Variants in GK5 observed in about 807,000 individuals in gnomAD.
The protein encoded by GK5 is ATP:glycerol 3-phosphotransferase 5.
GK5 carries 39 observed loss-of-function variants against 77.3 expected under a neutral mutation model. The observed-to-expected ratio is 0.50, with a 90% confidence interval of 0.39 to 0.66. GK5 has a LOEUF of 0.66. Among genes scored for constraint, GK5 ranks in the 30% least tolerant of loss-of-function variants. The pLI, the probability that GK5 is intolerant of heterozygous loss-of-function variation, is 0.00. For missense variants in GK5, 487 were observed against 633.8 expected, an observed-to-expected ratio of 0.77 and a Z score of 2.49; for synonymous variants, 211 against 208.0, an observed-to-expected ratio of 1.01 and a Z score of -0.13.
In GK5 at chr3:142,158,513, A is replaced by G. The variant is rs1169456167; in HGVS notation, c.*7109T>C. On this transcript the variant is annotated 3_prime_UTR_variant, in exon 16 of 16. Transcript: ENST00000392993. ...TTCATATGCAGATGAAAAATATTCT[A>G]TTACTGTGGATCCTTGATTTTTTGT... The G allele has an allele frequency of 6.6e-6, 1 of 152,596 alleles. No homozygotes were observed. The highest frequency in any genetic ancestry group is 1.5e-5 in the Non-Finnish European group (1 of 68,034). The allele number at this position is 152,596 out of a possible 1,614,324, so 9.5% of individuals were successfully genotyped here. A position where few individuals can be genotyped will look rare whatever the true frequency, so the allele number is the denominator to read the frequency against.
At chr3:142,210,426 T>A (rs886830561) in intron 3 of GK5, among the ~76,000 whole-genome samples, 3 of 152,170 alleles carry the variant, frequency 2.0e-5, no homozygotes, top group African/African-American at 7.2e-5. Context: ...TCCCGGCTGT[T>A]TGCTAGGGCT....
rs1325800075 is a variant in GK5 at position 142,163,214 on chromosome 3, A to T, written c.*2408T>A. 1.3e-5 allele frequency: 2 copies of T among 152,014 alleles called. No homozygotes were observed. Among genetic ancestry groups the T allele is most frequent in the Non-Finnish European group, 2.9e-5 (2 of 68,008 alleles). 9.4% of individuals were successfully genotyped at this position (152,014 alleles called of 1,614,324 possible). A position where few individuals can be genotyped will look rare whatever the true frequency, so the allele number is the denominator to read the frequency against. On this transcript the variant is annotated 3_prime_UTR_variant, in exon 16 of 16. Coordinates refer to ENST00000392993, the MANE Select transcript of GK5 (RefSeq NM_001039547.3). Reference sequence around the variant, plus strand: ...AAAATAGCCACTGACACTTGAGGAGATGCTCAATTCCGATGAGGGACATTC... The same window carrying T: ...AAAATAGCCACTGACACTTGAGGAGTTGCTCAATTCCGATGAGGGACATTC...
intron 4 of GK5, 141 bp from the exon 5 acceptor site, chr3:142,199,074 A>C: frequency 1.8e-6 from 1 of 551,016 alleles, no homozygotes; most frequent in Non-Finnish European, 3.1e-6. Flanking sequence ...TAAGAAAATA[A>C]AAAACAGCAA....
At chr3:142,224,389 T>C (rs976912254) in intron 1 of GK5, among the ~76,000 whole-genome samples, 8 of 152,098 alleles carry the variant, frequency 5.3e-5, no homozygotes, top group African/African-American at 1.9e-4. Flanking sequence ...CCAGCCTGGG[T>C]GACAAAGTGA....
rs1028275088 is a variant in GK5, at chr3:142,160,130, G to A, written c.*5492C>T. The A allele has an allele frequency of 1.3e-5, 2 of 152,560 alleles. No homozygotes were observed. Among genetic ancestry groups the A allele is most frequent in the Non-Finnish European group, 2.9e-5 (2 of 68,386 alleles). 9.5% of individuals were successfully genotyped at this position (152,560 alleles called of 1,614,324 possible). On this transcript the variant is annotated 3_prime_UTR_variant, in exon 16 of 16. Transcript: ENST00000392993. Reference sequence around the variant, plus strand: ...CCCAAAGTGCTGGGATTACAGGCGTGAGCCACTACACCTGGCCTTTTTCTC... The same window carrying A: ...CCCAAAGTGCTGGGATTACAGGCGTAAGCCACTACACCTGGCCTTTTTCTC...
intron 3 of GK5, among the ~76,000 whole-genome samples, chr3:142,208,466 T>C (rs1190186834): frequency 5.9e-5 from 9 of 152,214 alleles, no homozygotes; most frequent in Non-Finnish European, 1.3e-4. Context: ...TTCATTTTTG[T>C]ATATGGTATT....
At chr3:142,179,798 TC>T (rs2063668602) in intron 11 of GK5, among the ~76,000 whole-genome samples, 1 of 152,170 alleles carries the variant, frequency 6.6e-6, no homozygotes. Context: ...CACTCCATTC[TC>T]TCTCCCCCAC....
rs776309639 is a variant in GK5 at position 142,165,598 on chromosome 3, T to A, written c.*24A>T. On this transcript the variant is annotated 3_prime_UTR_variant, in exon 16 of 16. Transcript: ENST00000392993. ...GCACGTCACATAAACCAGCTACCTATGGTTTTGATCATTTCATTTAGTGTT... is the reference window on the plus strand; with the variant it reads ...GCACGTCACATAAACCAGCTACCTAAGGTTTTGATCATTTCATTTAGTGTT... The A allele has an allele frequency of 5.1e-6, 8 of 1,573,476 alleles. No individual in the cohort carries two copies. In the African/African-American group the frequency reaches 1.1e-4, roughly 22 times the overall value.
At chr3:142,200,411 G>A (rs1057470345) in intron 4 of GK5, among the ~76,000 whole-genome samples, 1 of 152,002 alleles carries the variant, frequency 6.6e-6, no homozygotes, top group South Asian at 2.1e-4. Context: ...CAGGTGATCC[G>A]CCCACCTTGG....
At chr3:142,216,573 C>A (rs1402523747) in intron 1 of GK5, among the ~76,000 whole-genome samples, 13 of 152,102 alleles carry the variant, frequency 8.5e-5, no homozygotes, top group Non-Finnish European at 8.8e-5. Context: ...TAACCCCAGA[C>A]ATACCCAGCC....
Position 142,163,379 on chromosome 3 carries a change from A to T in GK5, c.*2243T>A, listed in dbSNP as rs2063440735. The T allele has an allele frequency of 6.6e-6, 1 of 151,056 alleles. No individual in the cohort carries two copies. The highest frequency in any genetic ancestry group is 2.4e-5 in the African/African-American group (1 of 41,170). The allele number at this position is 151,056 out of a possible 1,614,324, so 9.4% of individuals were successfully genotyped here. A position where few individuals can be genotyped will look rare whatever the true frequency, so the allele number is the denominator to read the frequency against. On this transcript the variant is annotated 3_prime_UTR_variant, in exon 16 of 16. Coordinates refer to ENST00000392993, the MANE Select transcript of GK5 (RefSeq NM_001039547.3). ...AACTTCCACCCCCCAGATTCAAGCA[A>T]TTCTCCTGCCTCAGCCTCCCGAGTA...
chr3:142,177,847 C>CG (rs1411947937), intron 11 of GK5, among the ~76,000 whole-genome samples: 12 of 147,936 alleles, frequency 8.1e-5, no homozygotes, highest in Non-Finnish European at 1.5e-5. Flanking sequence ...GCAGGACTTA[C>CG]GTTTTTTTTC....
intron 15 of GK5, among the ~76,000 whole-genome samples, chr3:142,168,296 T>C (rs2063496380): frequency 6.6e-6 from 1 of 152,204 alleles, no homozygotes; most frequent in East Asian, 1.9e-4. Flanking sequence ...AAATCAAACA[T>C]ACTAAATTTA....
chr3:142,168,795 T>C (rs1051581104), intron 15 of GK5, among the ~76,000 whole-genome samples: 3 of 130,610 alleles, frequency 2.3e-5, no homozygotes, highest in African/African-American at 8.7e-5. Context: ...CGAACTCCTC[T>C]TTATGAGGAG....
At chr3:142,190,146 T>C (rs2063828524) in intron 5 of GK5, among the ~76,000 whole-genome samples, 1 of 152,014 alleles carries the variant, frequency 6.6e-6, no homozygotes, top group South Asian at 2.1e-4. Flanking sequence ...TAATAGCACA[T>C]TAGAAACAAT....
chr3:142,179,613 T>C, intron 11 of GK5, among the ~76,000 whole-genome samples: 1 of 152,184 alleles, frequency 6.6e-6, no homozygotes, highest in South Asian at 2.1e-4. Context: ...TACTAGACAG[T>C]TGGTTTGAGG....
intron 5 of GK5, among the ~76,000 whole-genome samples, chr3:142,188,162 C>T (rs1336634624): frequency 6.6e-6 from 1 of 151,902 alleles, no homozygotes; most frequent in Non-Finnish European, 1.5e-5. Context: ...TTTGGGAGGC[C>T]GAAGCAGGTG....
At position 142,160,363 on chromosome 3, in the gene GK5, C is replaced by A. The variant is rs1472350351; in HGVS notation, c.*5259G>T. ...GATTCAGAATCCTTTGGGGTACATT[C>A]AAGTCTTCTAGGCCATCTCTGGGAT... is the stretch of plus-strand genomic sequence containing the variant. On this transcript the variant is annotated 3_prime_UTR_variant, in exon 16 of 16. Coordinates refer to ENST00000392993, the MANE Select transcript of GK5 (RefSeq NM_001039547.3). 2 of 152,188 alleles carry A rather than the reference C, an allele frequency of 1.3e-5. No homozygotes were observed. Among genetic ancestry groups the A allele is most frequent in the Non-Finnish European group, 2.9e-5 (2 of 68,030 alleles). 9.4% of individuals were successfully genotyped at this position (152,188 alleles called of 1,614,324 possible). A position where few individuals can be genotyped will look rare whatever the true frequency, so the allele number is the denominator to read the frequency against.
intron 9 of GK5, chr3:142,185,473 G>A (rs2063756329): frequency 1.0e-6 from 1 of 981,074 alleles, no homozygotes; most frequent in South Asian, 4.4e-5. Context: ...CTTATTTACT[G>A]GTAGATGATG....
Sources: gnomAD v4.1 joint callset for allele counts (sites outside exome capture counted in the v4.1 genomes callset) on GRCh38, gnomAD v4.1.1 for gene constraint, MANE v1.5 for transcripts, NCBI Gene and HGNC (gene_info 2026-07-23, HGNC 2026-07-21) for gene names.